PIK3C2G: variants seen among roughly 807,000 people sequenced by gnomAD.
PIK3C2G encodes the protein phosphatidylinositol-4-phosphate 3-kinase catalytic subunit type 2 gamma, also known as phosphatidylinositol 3-kinase C2 domain-containing subunit gamma.
PIK3C2G carries 168 observed loss-of-function variants against 181.1 expected under a neutral mutation model. That is an observed-to-expected ratio of 0.93 (90% confidence interval 0.82 to 1.05). The LOEUF (loss-of-function observed/expected upper bound fraction) is 1.05, where lower values mean the gene tolerates loss of function less well. Ranked by LOEUF, PIK3C2G falls within the 50% of genes least tolerant of loss-of-function variation. PIK3C2G has a pLI of 0.00. For missense variants in PIK3C2G, 1,869 were observed against 1,732.8 expected (o/e 1.08, Z -1.40); for synonymous variants, 573 against 592.2 (o/e 0.97, Z 0.47).
chr12:18,497,897 T>C, intron 22 of PIK3C2G, 149 bp downstream of exon 22: 2 of 501,954 alleles, frequency 4.0e-6, no homozygotes, highest in Non-Finnish European at 6.5e-6. Flanking sequence ...TTTAAAGAAT[T>C]ATTTTCAAAA....
intron 14 of PIK3C2G, among the ~76,000 whole-genome samples, chr12:18,383,945 A>C (rs141591480): frequency 1.3e-5 from 2 of 151,496 alleles, no homozygotes; most frequent in African/African-American, 4.8e-5. Flanking sequence ...CTGGAACCAC[A>C]AGTGCATGCC....
In PIK3C2G at chr12:18,603,359, A is replaced by G. The variant is rs192229830; in HGVS notation, c.4088-6176A>G. On this transcript the variant is annotated intron_variant, in intron 30 of 32. Coordinates refer to ENST00000538779, the MANE Select transcript of PIK3C2G (RefSeq NM_001288772.2). ...AAAGAAAATATGAACAAAGCCTCCA[A>G]GAAGTCTGGGATTATGTTAAATGAC... Among the ~76,000 whole-genome samples, 1,507 of 152,248 alleles carry G rather than the reference A, an allele frequency of 9.9e-3. 13 individuals are homozygous for G. Among genetic ancestry groups the G allele is most frequent in the Admixed American group, 0.015 (227 of 15,290 alleles).
At chr12:18,671,187 T>TAAA in the PIK3C2G span, among the ~76,000 whole-genome samples, 1 of 134,126 alleles carries the variant, frequency 7.5e-6, no homozygotes, top group Non-Finnish European at 1.6e-5. Context: ...AGACTCCATC[T>TAAA]AAAAAAAAAA....
chr12:18,381,414 G>T (rs998970006), intron 13 of PIK3C2G, among the ~76,000 whole-genome samples: 4 of 151,880 alleles, frequency 2.6e-5, no homozygotes, highest in Non-Finnish European at 5.9e-5. Context: ...TTGATTTAAG[G>T]CAGTTGTAAC....
intron 19 of PIK3C2G, 104 bp downstream of exon 19, chr12:18,488,733 T>C (rs2136052980): frequency 1.6e-6 from 1 of 637,806 alleles, no homozygotes. Flanking sequence ...TACACTTAAA[T>C]AGAAGATACT....
At position 18,271,525 on chromosome 12, in the gene PIK3C2G, G is replaced by A. The variant is rs1401045238; in HGVS notation, c.-79+9948G>A. The stretch of plus-strand genomic sequence containing the variant: ...AAGTGATATATGCAGGTCTCATCAG[G>A]TCCTTAAAAGGAAGCAGCTTGCTTT... On this transcript the variant is annotated intron_variant, in intron 1 of 32. Transcript: ENST00000538779. 3.3e-5 allele frequency among the ~76,000 whole-genome samples: 5 copies of A among 152,194 alleles called. No individual in the cohort carries two copies. In the East Asian group the frequency reaches 9.7e-4, roughly 29 times the overall value.
chr12:18,308,488 C>T (rs1351500877), intron 5 of PIK3C2G, among the ~76,000 whole-genome samples: 4 of 132,806 alleles, frequency 3.0e-5, no homozygotes, highest in African/African-American at 1.1e-4. Flanking sequence ...ACTTAAAAAG[C>T]TCTAAAATAT....
chr12:18,674,502 A>T, the PIK3C2G span, among the ~76,000 whole-genome samples: 1 of 152,166 alleles, frequency 6.6e-6, no homozygotes, highest in East Asian at 1.9e-4. Context: ...AAATTGAGCA[A>T]ATACATGAAT....
intron 5 of PIK3C2G, among the ~76,000 whole-genome samples, chr12:18,307,340 A>G (rs964343968): frequency 1.3e-5 from 2 of 151,754 alleles, no homozygotes; most frequent in African/African-American, 4.8e-5. Context: ...TAAATAATTA[A>G]TATACAGAAA....
At chr12:18,330,311 C>G (rs1350823408) in intron 8 of PIK3C2G, among the ~76,000 whole-genome samples, 1 of 152,130 alleles carries the variant, frequency 6.6e-6, no homozygotes, top group Non-Finnish European at 1.5e-5. Context: ...TGCGTCTTTA[C>G]AGTAAATCTC....
chr12:18,702,025 A>G, the PIK3C2G span, among the ~76,000 whole-genome samples: 3 of 152,044 alleles, frequency 2.0e-5, no homozygotes, highest in Non-Finnish European at 2.9e-5. Flanking sequence ...CATTTTTTTT[A>G]TATTTCCCAA....
chr12:18,391,808 C>T (rs959480058), intron 15 of PIK3C2G, among the ~76,000 whole-genome samples: 7 of 152,004 alleles, frequency 4.6e-5, no homozygotes, highest in African/African-American at 1.4e-4. Flanking sequence ...TGATCATGCT[C>T]ATTAATAACA....
At chr12:18,535,126 T>C (rs1000679775) in intron 24 of PIK3C2G, among the ~76,000 whole-genome samples, 26 of 152,064 alleles carry the variant, frequency 1.7e-4, no homozygotes, top group African/African-American at 6.0e-4. Context: ...TTCTATAACA[T>C]AGGAATAGGT....
intron 24 of PIK3C2G, among the ~76,000 whole-genome samples, chr12:18,537,491 C>T (rs771642450): frequency 3.3e-5 from 5 of 152,096 alleles, no homozygotes; most frequent in Non-Finnish European, 7.4e-5. Flanking sequence ...AGGTGGGGGA[C>T]GTGGGACCAT....
the PIK3C2G span, among the ~76,000 whole-genome samples, chr12:18,691,277 A>T: frequency 6.6e-6 from 1 of 152,154 alleles, no homozygotes; most frequent in Non-Finnish European, 1.5e-5. Flanking sequence ...TAAGAGCAGA[A>T]GTAGATTTGA....
chr12:18,392,785 C>T (rs1043686075), intron 15 of PIK3C2G, among the ~76,000 whole-genome samples: 1 of 152,160 alleles, frequency 6.6e-6, no homozygotes, highest in East Asian at 1.9e-4. Context: ...CACTATATTT[C>T]TAATGCTATA....
At chr12:18,306,157 T>C (rs1382053065) in intron 5 of PIK3C2G, among the ~76,000 whole-genome samples, 1 of 151,996 alleles carries the variant, frequency 6.6e-6, no homozygotes, top group Non-Finnish European at 1.5e-5. Flanking sequence ...CATATTTGAG[T>C]GAGGAGGCAT....
In PIK3C2G at chr12:18,599,138, C is replaced by T. The variant is rs1161767493; in HGVS notation, c.4087+4569C>T. ...AGAAATACCATTTGACCCAGCCATC[C>T]CATTACTGGGTATATACCCAAAGGA... is the stretch of plus-strand genomic sequence containing the variant. On this transcript the variant is annotated intron_variant, in intron 30 of 32. Coordinates refer to ENST00000538779, the MANE Select transcript of PIK3C2G (RefSeq NM_001288772.2). 4.6e-5 allele frequency among the ~76,000 whole-genome samples: 7 copies of T among 152,120 alleles called. 1 individual carries two copies. The highest frequency in any genetic ancestry group is 4.1e-4 in the South Asian group (2 of 4,830).
chr12:18,489,163 A>G (rs1221163387), intron 19 of PIK3C2G, among the ~76,000 whole-genome samples: 4 of 152,020 alleles, frequency 2.6e-5, no homozygotes, highest in African/African-American at 7.2e-5. Flanking sequence ...TTCTTGGAAG[A>G]ATATTTGCTC....
Sources: allele counts gnomAD v4.1 joint callset (sites outside exome capture counted in the v4.1 genomes callset), GRCh38; gene constraint gnomAD v4.1.1; transcripts MANE v1.5; gene names NCBI Gene and HGNC (gene_info 2026-07-23, HGNC 2026-07-21).